DOCK3: variants seen among roughly 807,000 people sequenced by gnomAD.
DOCK3 encodes the protein dedicator of cytokinesis 3, also known as dedicator of cytokinesis protein 3.
Under a neutral mutation model 265.6 loss-of-function variants are expected in DOCK3, and 60 were observed. The observed-to-expected ratio is 0.23, with a 90% CI of 0.18 to 0.28. The LOEUF (loss-of-function observed/expected upper bound fraction) is 0.28. DOCK3 is among the 10% of genes least tolerant of loss of function. DOCK3 has a pLI of 1.00. For missense variants in DOCK3, 1,981 were observed against 2,594.3 expected, an observed-to-expected ratio of 0.76 and a Z score of 5.14; for synonymous variants, 881 against 938.0, an observed-to-expected ratio of 0.94 and a Z score of 1.11.
intron 9 of DOCK3, among the ~76,000 whole-genome samples, chr3:51,101,113 CTTTT>C (rs59972198): frequency 8.2e-6 from 1 of 122,562 alleles, no homozygotes. Flanking sequence ...CTTAGTCTTT[CTTTT>C]TTTTTTTTTT....
chr3:50,874,604 G>T (rs1315476983), intron 3 of DOCK3, among the ~76,000 whole-genome samples: 1 of 150,198 alleles, frequency 6.7e-6, no homozygotes, highest in South Asian at 2.1e-4. Context: ...CATTTATTTT[G>T]TGTCCTTTTC....
At position 51,270,927 on chromosome 3, in the gene DOCK3, T is replaced by C; in HGVS notation, c.2468T>C (p.Val823Ala). The C allele has an allele frequency of 6.2e-7, 1 of 1,614,026 alleles. No homozygotes were observed. Among genetic ancestry groups the C allele is most frequent in the Non-Finnish European group, 8.5e-7 (1 of 1,179,888 alleles). Reference sequence around the variant, plus strand: ...ACACTGGGGAGCATGCCCAGCACTGTGCACATTGGGCAGTCAATGGACGTG... The same window carrying C: ...ACACTGGGGAGCATGCCCAGCACTGCGCACATTGGGCAGTCAATGGACGTG... ...RGTLGSMPST[V>A]HIGQSMDVVK... Residue 823 changes from valine to alanine, a missense_variant, in exon 24 of 53, where the codon GTG (valine) becomes GCG (alanine). By Grantham distance (64) the Val-to-Ala change is moderately conservative. Transcript: ENST00000266037.
intron 2 of DOCK3, among the ~76,000 whole-genome samples, chr3:50,798,541 C>T (rs1559651717): frequency 6.6e-6 from 1 of 151,962 alleles, no homozygotes; most frequent in Non-Finnish European, 1.5e-5. Context: ...AGCCTGTGTT[C>T]TTACAGGAGC....
At chr3:50,869,420 G>T (rs1179162554) in intron 3 of DOCK3, among the ~76,000 whole-genome samples, 9 of 106,816 alleles carry the variant, frequency 8.4e-5, no homozygotes, top group African/African-American at 3.0e-4. Context: ...CACTCAGGCT[G>T]GAGTCAGTGG....
chr3:51,352,038 GGCATATTT>G (rs2110218490), intron 40 of DOCK3, among the ~76,000 whole-genome samples: 1 of 152,244 alleles, frequency 6.6e-6, no homozygotes, highest in African/African-American at 2.4e-5. Flanking sequence ...TTTTAGAAGT[GGCATATTT>G]GCTAGCCCCA....
intron 5 of DOCK3, among the ~76,000 whole-genome samples, chr3:51,016,729 G>A (rs375048179): frequency 0.79 from 7,665 of 9,762 alleles, 3,677 homozygotes; most frequent in East Asian, 0.9. Context: ...TAATATATAT[G>A]ATACATATTA....
chr3:50,891,397 T>C (rs1575461553), intron 4 of DOCK3, among the ~76,000 whole-genome samples: 1 of 152,110 alleles, frequency 6.6e-6, no homozygotes, highest in East Asian at 1.9e-4. Context: ...TACTTCTTAT[T>C]CTTCCCCTTC....
intron 41 of DOCK3, among the ~76,000 whole-genome samples, chr3:51,355,741 C>G (rs1366754845): frequency 1.3e-5 from 2 of 152,120 alleles, no homozygotes; most frequent in African/African-American, 2.4e-5. Context: ...GAGGGGAAGC[C>G]CAGACCCTTG....
intron 23 of DOCK3, among the ~76,000 whole-genome samples, chr3:51,267,003 C>G (rs1302185980): frequency 6.6e-6 from 1 of 151,788 alleles, no homozygotes; most frequent in Non-Finnish European, 1.5e-5. Flanking sequence ...AAAAAGTGGG[C>G]GAAGGATATG....
chr3:51,015,864 TATATATATCATATATTTCTATATATG>T lies in DOCK3; in HGVS notation c.316-48568_316-48543del, dbSNP rs2079157635. Among the ~76,000 whole-genome samples the T allele has an allele frequency of 9.4e-5, 2 of 21,276 alleles. 1 individual carries two copies. Among genetic ancestry groups the T allele is most frequent in the African/African-American group, 6.1e-4 (2 of 3,300 alleles). The allele number at this position is 21,276 out of a possible 152,430, so 14.0% of individuals were successfully genotyped here. On this transcript the variant is annotated intron_variant, in intron 5 of 52. Transcript: ENST00000266037. ...TATATGATATATATCATATATATGA[TATATATATCATATATTTCTATATATG>T]ATATATATCATATATATGATATATA...
chr3:50,896,095 C>T (rs1292545201), intron 4 of DOCK3, among the ~76,000 whole-genome samples: 1 of 152,202 alleles, frequency 6.6e-6, no homozygotes. Flanking sequence ...GGAATCGCCA[C>T]ACTGTCTTCC....
At position 50,849,137 on chromosome 3, in the gene DOCK3, C is replaced by T. The variant is rs576077367; in HGVS notation, c.162+7422C>T. 2.1e-4 allele frequency among the ~76,000 whole-genome samples: 32 copies of T among 152,044 alleles called. 1 individual carries two copies. The South Asian group carries it at 2.9e-3, about 14-fold the overall frequency. ...GCAGCTTTGACCTCCCAAGCTCAAG[C>T]GGCCCCTCCACTTTAGGCTTCTGAG... On this transcript the variant is annotated intron_variant, in intron 3 of 52. Transcript: ENST00000266037.
intron 1 of DOCK3, among the ~76,000 whole-genome samples, chr3:50,725,001 A>T (rs2037725851): frequency 6.6e-6 from 1 of 152,084 alleles, no homozygotes; most frequent in Non-Finnish European, 1.5e-5. Flanking sequence ...CAAAAAAAAA[A>T]AAAAATAATA....
At chr3:51,098,776 G>T (rs2082968259) in intron 9 of DOCK3, among the ~76,000 whole-genome samples, 1 of 152,144 alleles carries the variant, frequency 6.6e-6, no homozygotes, top group South Asian at 2.1e-4. Context: ...TTTTCGCAAA[G>T]ATTTTCTGTG....
intron 2 of DOCK3, among the ~76,000 whole-genome samples, chr3:50,796,142 G>A (rs948530946): frequency 2.6e-5 from 4 of 151,620 alleles, no homozygotes; most frequent in African/African-American, 7.3e-5. Context: ...CTGGGTTCAC[G>A]CCATTCTCCT....
intron 2 of DOCK3, among the ~76,000 whole-genome samples, chr3:50,799,427 C>T (rs1255425225): frequency 6.6e-6 from 1 of 152,086 alleles, no homozygotes; most frequent in Non-Finnish European, 1.5e-5. Flanking sequence ...AGAGATCTTT[C>T]ACCTCCTTGG....
At chr3:51,159,136 T>A (rs1386715616) in intron 10 of DOCK3, 108 bp from the exon 11 acceptor site, 3 of 998,578 alleles carry the variant, frequency 3.0e-6, no homozygotes, top group Non-Finnish European at 4.6e-6. Flanking sequence ...GTAATCTCCC[T>A]TCCCCTGCCT....
chr3:50,690,355 A>C (rs1367092883), intron 1 of DOCK3, among the ~76,000 whole-genome samples: 4 of 151,958 alleles, frequency 2.6e-5, no homozygotes, highest in Non-Finnish European at 4.4e-5. Flanking sequence ...GCTGGTCTCA[A>C]ACCCTTGGCC....
intron 2 of DOCK3, among the ~76,000 whole-genome samples, chr3:50,804,358 A>G (rs2043272844): frequency 1.3e-5 from 2 of 152,086 alleles, no homozygotes; most frequent in Admixed American, 6.5e-5. Context: ...AGAGGCTGCA[A>G]TCTCGGCACT....
Sources: gnomAD v4.1 joint callset for allele counts (sites outside exome capture counted in the v4.1 genomes callset) on GRCh38, gnomAD v4.1.1 for gene constraint, MANE v1.5 for transcripts, NCBI Gene and HGNC (gene_info 2026-07-23, HGNC 2026-07-21) for gene names.